The following TRIQK variants were observed in gnomAD, a reference collection of about 807,000 sequenced individuals.
TRIQK encodes triple QxxK/R motif-containing protein.
TRIQK carries 10 observed loss-of-function variants against 10.8 expected under a neutral mutation model. That is an observed-to-expected ratio of 0.92 (90% CI 0.57 to 1.57). TRIQK has a LOEUF of 1.57. Among genes scored for constraint, TRIQK ranks in the 40% most tolerant of loss-of-function variants. The pLI is 0.00. For synonymous variants in TRIQK, 33 were observed against 33.7 expected (o/e 0.98, Z 0.07); for missense variants, 107 against 97.7 (o/e 1.09, Z -0.40).
intron 1 of TRIQK, among the ~76,000 whole-genome samples, chr8:92,985,883 TG>T (rs1057465118): frequency 5.3e-5 from 8 of 152,134 alleles, no homozygotes; most frequent in Admixed American, 5.2e-4. Flanking sequence ...AATCCAATAT[TG>T]TCACACACTG....
At chr8:92,942,095 T>C (rs546920093) in intron 2 of TRIQK, among the ~76,000 whole-genome samples, 1 of 152,226 alleles carries the variant, frequency 6.6e-6, no homozygotes, top group Non-Finnish European at 1.5e-5. Context: ...ATTACTCTGA[T>C]AATGCAATCA....
chr8:92,931,097 A>C (rs1810700194), intron 2 of TRIQK, among the ~76,000 whole-genome samples: 1 of 152,166 alleles, frequency 6.6e-6, no homozygotes. Flanking sequence ...AAAATTTACT[A>C]GCAAAAAAGA....
chr8:92,929,698 T>C (rs1170008734), intron 2 of TRIQK: 4 of 152,096 alleles, frequency 2.6e-5, no homozygotes, highest in Non-Finnish European at 5.9e-5. Context: ...TTCACAAATA[T>C]AAAAGGGATA....
chr8:92,962,153 T>C (rs1812493299), intron 1 of TRIQK, among the ~76,000 whole-genome samples: 1 of 152,178 alleles, frequency 6.6e-6, no homozygotes, highest in African/African-American at 2.4e-5. Flanking sequence ...GCCTACATGA[T>C]CCTTATCTGT....
At chr8:92,967,167 A>G (rs905352274), upstream of TRIQK, among the ~76,000 whole-genome samples, 6 of 152,234 alleles carry the variant, frequency 3.9e-5, no homozygotes, top group East Asian at 5.8e-4. Flanking sequence ...ATGAGATTAT[A>G]TTAATACACT....
Position 92,917,519 on chromosome 8 carries a change from A to T in TRIQK, c.-21-509T>A, listed in dbSNP as rs141406960. Among the ~76,000 whole-genome samples, 328 of 152,126 alleles carry T rather than the reference A, an allele frequency of 2.2e-3. 7 individuals carry two copies. The highest frequency in any genetic ancestry group is 0.018 in the East Asian group (91 of 5,180). ...TCTAGTTCTGCCCCTCTTAATGTAA[A>T]CAATAAAAACTACTACCATTTATTA... is the stretch of plus-strand genomic sequence containing the variant. On this transcript the variant is annotated intron_variant, in intron 2 of 4. Transcript: ENST00000521988.
chr8:92,993,237 C>G (rs1813116294), intron 1 of TRIQK, among the ~76,000 whole-genome samples: 1 of 152,106 alleles, frequency 6.6e-6, no homozygotes, highest in Non-Finnish European at 1.5e-5. Context: ...TGTTTTCTTT[C>G]CCTTGTGCTT....
At chr8:92,929,250 T>C (rs548926876) in intron 2 of TRIQK, among the ~76,000 whole-genome samples, 10 of 152,272 alleles carry the variant, frequency 6.6e-5, no homozygotes, top group East Asian at 5.8e-4. Context: ...TTGGCAAATA[T>C]TGCGTTAGAC....
chr8:92,929,390 T>G (rs1810598110), intron 2 of TRIQK: 1 of 152,158 alleles, frequency 6.6e-6, no homozygotes, highest in Non-Finnish European at 1.5e-5. Context: ...AAAGCACTTG[T>G]TTTTCCCAAA....
rs1816450778 is a variant in TRIQK at position 92,885,902 on chromosome 8, T to C, written c.*720A>G. 1 of 151,618 alleles carries C rather than the reference T, an allele frequency of 6.6e-6. No homozygotes were observed. Among genetic ancestry groups the C allele is most frequent in the Admixed American group, 6.6e-5 (1 of 15,162 alleles). 9.4% of individuals were successfully genotyped at this position (151,618 alleles called of 1,614,324 possible). On this transcript the variant is annotated 3_prime_UTR_variant, in exon 5 of 5. Transcript: ENST00000521988. ...AGCAGCCAGAACAACATAATTAGAA[T>C]AGAATTCCAAGGTTATATTAATAGA...
intron 1 of TRIQK, among the ~76,000 whole-genome samples, chr8:93,005,562 A>G (rs1813260375): frequency 6.6e-6 from 1 of 152,156 alleles, no homozygotes; most frequent in Admixed American, 6.5e-5. Context: ...AAAACCATAT[A>G]ATTATTTCAA....
At chr8:92,918,223 T>G (rs1368648826) in intron 2 of TRIQK, among the ~76,000 whole-genome samples, 2 of 152,026 alleles carry the variant, frequency 1.3e-5, no homozygotes, top group African/African-American at 4.8e-5. Flanking sequence ...GATTTCCTTT[T>G]TTTGGATATA....
chr8:92,929,934 C>A (rs183716293), intron 2 of TRIQK, among the ~76,000 whole-genome samples: 4 of 151,836 alleles, frequency 2.6e-5, no homozygotes, highest in African/African-American at 9.7e-5. Context: ...AGTAATTAAT[C>A]GCATAAATTA....
At chr8:92,931,306 C>T (rs890326211) in intron 2 of TRIQK, among the ~76,000 whole-genome samples, 1 of 152,024 alleles carries the variant, frequency 6.6e-6, no homozygotes, top group Admixed American at 6.6e-5. Flanking sequence ...TGAAACAAAA[C>T]GTGAACCAAG....
chr8:92,911,072 TATC>T (rs1809541927), intron 3 of TRIQK, among the ~76,000 whole-genome samples: 1 of 151,358 alleles, frequency 6.6e-6, no homozygotes, highest in African/African-American at 2.4e-5. Flanking sequence ...CAAAAACTGA[TATC>T]ATACACAAAA....
intron 1 of TRIQK, among the ~76,000 whole-genome samples, chr8:92,978,282 C>T (rs774008977): frequency 6.6e-5 from 10 of 152,254 alleles, no homozygotes; most frequent in Non-Finnish European, 1.3e-4. Flanking sequence ...GCTCTAATCA[C>T]AGGCATTCAT....
chr8:92,967,017 A>G (rs976551295), upstream of TRIQK, among the ~76,000 whole-genome samples: 1 of 150,970 alleles, frequency 6.6e-6, no homozygotes, highest in Non-Finnish European at 1.5e-5. Flanking sequence ...GACAAGTATA[A>G]ATAGACTAAC....
At chr8:93,006,054 A>G (rs947037794) in intron 1 of TRIQK, among the ~76,000 whole-genome samples, 2 of 151,634 alleles carry the variant, frequency 1.3e-5, no homozygotes, top group Admixed American at 6.6e-5. Context: ...AAAAAATCCT[A>G]TTTACAATAG....
At position 92,886,583 on chromosome 8, in the gene TRIQK, G is replaced by A. The variant is rs775469162; in HGVS notation, c.*39C>T. The A allele has an allele frequency of 2.7e-5, 36 of 1,333,232 alleles. No individual in the cohort carries two copies. In the South Asian group the frequency reaches 2.8e-4, roughly 10 times the overall value. The allele number at this position is 1,333,232 out of a possible 1,614,324, so 82.6% of individuals were successfully genotyped here. A position where few individuals can be genotyped will look rare whatever the true frequency, so the allele number is the denominator to read the frequency against. On this transcript the variant is annotated 3_prime_UTR_variant, in exon 5 of 5. Coordinates refer to ENST00000521988, the MANE Select transcript of TRIQK (RefSeq NM_001171797.2). ...AGTTTTGGTCCCAAAAGGTGCTTTC[G>A]TAAAGTTATTTCTCTTTCATGCATT... is the stretch of plus-strand genomic sequence containing the variant.
Sources: allele counts gnomAD v4.1 joint callset (sites outside exome capture counted in the v4.1 genomes callset), GRCh38; gene constraint gnomAD v4.1.1; transcripts MANE v1.5; gene names NCBI Gene and HGNC (gene_info 2026-07-23, HGNC 2026-07-21).